Variants in TACC1 observed in about 807,000 individuals in gnomAD.
TACC1 encodes the protein transforming acidic coiled-coil containing protein 1.
TACC1 carries 48 observed loss-of-function variants against 84.4 expected under a neutral mutation model. The ratio of observed to expected loss-of-function variants is 0.57; its 90% CI spans 0.45 to 0.72. The LOEUF is 0.72. Among genes scored for constraint, TACC1 ranks in the 30% least tolerant of loss-of-function variants. The probability of loss-of-function intolerance (pLI) is 0.00; values close to 1 mark genes in which losing one functional copy is unlikely to be tolerated. For missense variants in TACC1, 920 were observed against 973.0 expected, an observed-to-expected ratio of 0.95 and a Z score of 0.72; for synonymous variants, 372 against 376.3, an observed-to-expected ratio of 0.99 and a Z score of 0.13.
At position 38,848,488 on chromosome 8, in the gene TACC1, T is replaced by C. The variant is rs1164041355; in HGVS notation, c.*465T>C. 6.5e-6 allele frequency: 1 copy of C among 153,098 alleles called. No individual in the cohort carries two copies. The highest frequency in any genetic ancestry group is 2.4e-5 in the African/African-American group (1 of 41,468). 9.5% of individuals were successfully genotyped at this position (153,098 alleles called of 1,614,324 possible). On this transcript the variant is annotated 3_prime_UTR_variant, in exon 13 of 13. Transcript: ENST00000317827. ...TTGGCCTATTGTTACTTCCAATTTA[T>C]AATCAAGAAGGGGCTCTGGATCCCC...
chr8:38,755,707 A>AATC (rs1809869203), intron 3 of TACC1, among the ~76,000 whole-genome samples: 1 of 140,818 alleles, frequency 7.1e-6, no homozygotes, highest in Non-Finnish European at 1.5e-5. Flanking sequence ...CGGTCTTTCA[A>AATC]AACAACAACA....
chr8:38,737,973 C>T (rs1416552322), intron 1 of TACC1, among the ~76,000 whole-genome samples: 7 of 152,000 alleles, frequency 4.6e-5, no homozygotes, highest in East Asian at 3.9e-4. Flanking sequence ...GTGATCTGCC[C>T]GCCTCAGCCT....
Position 38,840,271 on chromosome 8 carries a change from A to G in TACC1, c.1960+4A>G. 1 of 1,612,754 alleles carries G rather than the reference A, an allele frequency of 6.2e-7. No individual in the cohort carries two copies. ...AAGACTATTGCTCAAATGATTGGTA[A>G]GGAGAACATTTTGTTTTTTGAGGGT... On this transcript the variant is annotated splice_donor_region_variant and intron_variant, in intron 9 of 12. Transcript: ENST00000317827.
intron 1 of TACC1, among the ~76,000 whole-genome samples, chr8:38,733,645 G>A (rs1053789497): frequency 1.2e-4 from 18 of 151,992 alleles, no homozygotes; most frequent in African/African-American, 4.4e-4. Flanking sequence ...GACAGCACCC[G>A]GCAGCAGTAG....
intron 3 of TACC1, among the ~76,000 whole-genome samples, chr8:38,747,889 T>G (rs931170495): frequency 6.6e-6 from 1 of 152,176 alleles, no homozygotes; most frequent in African/African-American, 2.4e-5. Context: ...GTAGGTTCAT[T>G]GATTGTAGCA....
At chr8:38,796,087 G>C (rs943080661) in intron 2 of TACC1, among the ~76,000 whole-genome samples, 3 of 152,126 alleles carry the variant, frequency 2.0e-5, no homozygotes, top group African/African-American at 7.2e-5. Flanking sequence ...CCAGCTATCT[G>C]TTTCAGCCGT....
At chr8:38,768,550 C>T (rs879569379) in intron 3 of TACC1, among the ~76,000 whole-genome samples, 2 of 152,102 alleles carry the variant, frequency 1.3e-5, no homozygotes, top group Non-Finnish European at 2.9e-5. Context: ...TCAATTTTTT[C>T]CTCCTCCATC....
chr8:38,847,807 T>C, intron 12 of TACC1, 148 bp from the exon 13 acceptor site: 1 of 578,070 alleles, frequency 1.7e-6, no homozygotes, highest in East Asian at 2.9e-5. Context: ...CCTTTTTTTC[T>C]TTAAAGCATC....
chr8:38,807,021 T>G (rs1406144976), intron 2 of TACC1, among the ~76,000 whole-genome samples: 2 of 152,030 alleles, frequency 1.3e-5, no homozygotes, highest in African/African-American at 2.4e-5. Context: ...AATGCTAAAG[T>G]TTACTGGTTT....
chr8:38,770,143 A>G (rs1446026195), intron 3 of TACC1, among the ~76,000 whole-genome samples: 1 of 151,892 alleles, frequency 6.6e-6, no homozygotes, highest in Admixed American at 6.6e-5. Flanking sequence ...CCTTCCTCAC[A>G]GAGCAGCGCA....
At chr8:38,820,778 C>T in intron 3 of TACC1, 143 bp downstream of exon 3, 5 of 1,157,220 alleles carry the variant, frequency 4.3e-6, no homozygotes, top group Admixed American at 2.6e-5. Context: ...ATCCTGCAGT[C>T]TTCACTGTTT....
At chr8:38,835,366 A>T (rs1830027504) in intron 6 of TACC1, among the ~76,000 whole-genome samples, 1 of 152,238 alleles carries the variant, frequency 6.6e-6, no homozygotes, top group South Asian at 2.1e-4. Flanking sequence ...AAAGTTTGCC[A>T]GTGTTTTGCT....
At chr8:38,783,066 ATATCTATCTATCTATCTATCTATC>A (rs58057050), upstream of TACC1, among the ~76,000 whole-genome samples, 101 of 135,478 alleles carry the variant, frequency 7.5e-4, no homozygotes, top group African/African-American at 2.3e-3. Context: ...TGTAGTGTAA[ATATCTATCTATCTATCTATCTATC>A]TATCTATCTA....
intron 3 of TACC1, among the ~76,000 whole-genome samples, chr8:38,780,699 T>C (rs1008691400): frequency 6.6e-5 from 10 of 152,300 alleles, no homozygotes; most frequent in Middle Eastern, 3.4e-3. Flanking sequence ...TAAACATTAT[T>C]GACGAATTCT....
chr8:38,755,695 CACGG>C (rs1159424072), intron 3 of TACC1, among the ~76,000 whole-genome samples: 1 of 140,252 alleles, frequency 7.1e-6, no homozygotes, highest in Non-Finnish European at 1.5e-5. Context: ...CAGAAAGAGA[CACGG>C]TCTTTCAAAA....
intron 2 of TACC1, 147 bp from the exon 3 acceptor site, chr8:38,819,375 G>A: frequency 1.1e-6 from 1 of 928,044 alleles, no homozygotes; most frequent in Non-Finnish European, 1.6e-6. Context: ...CTTTCAGGCT[G>A]TGCTGCCATC....
At chr8:38,792,819 C>T (rs555646311) in intron 2 of TACC1, among the ~76,000 whole-genome samples, 8 of 152,064 alleles carry the variant, frequency 5.3e-5, no homozygotes, top group Middle Eastern at 6.8e-3. Context: ...AGGCTGATCT[C>T]GAACTCCTGG....
chr8:38,843,417 A>C (rs371393175), intron 11 of TACC1, 22 bp downstream of exon 11: 92 of 1,546,202 alleles, frequency 6.0e-5, no homozygotes, highest in Middle Eastern at 1.7e-4. Context: ...TAAATGTTGA[A>C]TTTCACTCTT....
At chr8:38,805,430 G>A (rs763791755) in intron 2 of TACC1, 2 of 152,346 alleles carry the variant, frequency 1.3e-5, no homozygotes, top group Non-Finnish European at 2.9e-5. Context: ...AAAAGCAGAA[G>A]TCCAGCTGCA....
Sources: gnomAD v4.1 joint callset for allele counts (sites outside exome capture counted in the v4.1 genomes callset) on GRCh38, gnomAD v4.1.1 for gene constraint, MANE v1.5 for transcripts, NCBI Gene and HGNC (gene_info 2026-07-23, HGNC 2026-07-21) for gene names.